Variants in AMMECR1 observed in about 807,000 individuals in gnomAD.
AMMECR1 encodes the protein nuclear protein AMMECR1.
A neutral mutation model predicts 22.5 loss-of-function variants in AMMECR1; 3 were observed. The ratio of observed to expected loss-of-function variants is 0.13; its 90% CI spans 0.06 to 0.35. The LOEUF (loss-of-function observed/expected upper bound fraction) is 0.35. Among genes scored for constraint, AMMECR1 ranks in the 10% least tolerant of loss-of-function variants. The pLI, the probability that AMMECR1 is intolerant of heterozygous loss-of-function variation, is 1.00. For missense variants in AMMECR1, 235 were observed against 278.7 expected (o/e 0.84, Z 1.12); for synonymous variants, 130 against 116.7 (o/e 1.11, Z -0.74).
chrX:110,283,206 C>T (rs1416111516), intron 1 of AMMECR1, among the ~76,000 whole-genome samples: 1 of 112,056 alleles, frequency 8.9e-6, no homozygotes, highest in African/African-American at 3.2e-5. Context: ...AGAGACAGCC[C>T]ATTTAAGCAT....
At chrX:110,410,244 G>C (rs1365359915) in intron 2 of AMMECR1, among the ~76,000 whole-genome samples, 3 of 111,455 alleles carry the variant, frequency 2.7e-5, no homozygotes, top group Non-Finnish European at 1.9e-5. Context: ...TTATTAGTGT[G>C]GGAAGAAGGA....
rs1182370883 is a variant in AMMECR1, at chrX:110,248,381, G to T, written c.584+16108C>A. ...ATCTTGGGTGACAGAGCGAGATCCT[G>T]TCTCAAAAAAAAAGAAAAGAAAAGA... On this transcript the variant is annotated intron_variant, in intron 2 of 5. Coordinates refer to ENST00000262844, the MANE Select transcript of AMMECR1 (RefSeq NM_015365.3). Among the ~76,000 whole-genome samples, 3 of 106,768 alleles carry T rather than the reference G, an allele frequency of 2.8e-5. No individual in the cohort carries two copies. In the East Asian group the frequency reaches 8.5e-4, roughly 30 times the overall value. The allele number at this position is 106,768 out of a possible 115,157, so 92.7% of individuals were successfully genotyped here. A position where few individuals can be genotyped will look rare whatever the true frequency, so the allele number is the denominator to read the frequency against.
At chrX:110,247,637 G>A (rs1384052226) in intron 2 of AMMECR1, among the ~76,000 whole-genome samples, 2 of 109,721 alleles carry the variant, frequency 1.8e-5, no homozygotes, top group Non-Finnish European at 3.8e-5. Flanking sequence ...GTTGCAGTGC[G>A]CCCAGAGGGC....
intron 2 of AMMECR1, among the ~76,000 whole-genome samples, chrX:110,223,444 G>A (rs1329823144): frequency 1.8e-5 from 2 of 111,357 alleles, no homozygotes; most frequent in Admixed American, 9.5e-5. Context: ...CAGTGCTCTC[G>A]AGGCCTTGGC....
At chrX:110,311,280 C>T (rs904835689) in intron 1 of AMMECR1, among the ~76,000 whole-genome samples, 9 of 112,045 alleles carry the variant, frequency 8.0e-5, no homozygotes, top group African/African-American at 2.9e-4. Context: ...TCCCTATAGC[C>T]TTCTCCCTGA....
intron 1 of AMMECR1, among the ~76,000 whole-genome samples, chrX:110,305,724 C>A (rs139084739): frequency 0.024 from 2,700 of 111,383 alleles, 79 homozygotes; most frequent in African/African-American, 0.084. Flanking sequence ...ATAGACTTAA[C>A]GGCCTTACTT....
intron 2 of AMMECR1, among the ~76,000 whole-genome samples, chrX:110,247,521 T>A (rs2067664523): frequency 9.0e-6 from 1 of 111,232 alleles, no homozygotes; most frequent in South Asian, 3.8e-4. Context: ...TGAAACCCCG[T>A]CTCTACAAAA....
At chrX:110,262,178 A>G (rs772991764) in intron 2 of AMMECR1, among the ~76,000 whole-genome samples, 3 of 112,401 alleles carry the variant, frequency 2.7e-5, no homozygotes, top group South Asian at 3.7e-4. Flanking sequence ...AATCCAGGAA[A>G]AAAGATTAAT....
At chrX:110,203,042 G>A (rs780827081) in intron 3 of AMMECR1, among the ~76,000 whole-genome samples, 2 of 111,949 alleles carry the variant, frequency 1.8e-5, no homozygotes, top group Non-Finnish European at 3.8e-5. Flanking sequence ...ACACAGTCAG[G>A]TAAGATTGAA....
chrX:110,429,366 AT>A (rs941440551), intron 1 of AMMECR1, among the ~76,000 whole-genome samples: 1 of 111,254 alleles, frequency 9.0e-6, no homozygotes, highest in African/African-American at 3.3e-5. Context: ...TGCAAACCTG[AT>A]TTAAATCCCT....
At chrX:110,385,800 C>T (rs767760492) in intron 2 of AMMECR1, among the ~76,000 whole-genome samples, 3 of 111,379 alleles carry the variant, frequency 2.7e-5, no homozygotes, top group South Asian at 7.6e-4. Context: ...GGTAGTTTTT[C>T]GGGCCTTGTC....
At chrX:110,283,072 T>A (rs2067861262) in intron 1 of AMMECR1, among the ~76,000 whole-genome samples, 1 of 111,556 alleles carries the variant, frequency 9.0e-6, no homozygotes, top group Admixed American at 9.5e-5. Flanking sequence ...AAAAAAAATG[T>A]TTATCCACTG....
In AMMECR1 at chrX:110,333,025, A is replaced by G. The variant is rs1300322390; in HGVS notation, c.-147-15176T>C. Among the ~76,000 whole-genome samples, 6 of 112,031 alleles carry G rather than the reference A, an allele frequency of 5.4e-5. No homozygotes were observed. The South Asian group carries it at 2.2e-3, about 42-fold the overall frequency. ...CACCCTGCTATCACCACCAATGTGC[A>G]AGAGTGGCACAGAAGCAGCTACCCC... On this transcript the variant is annotated intron_variant, in intron 2 of 7. Transcript: ENST00000372057.
At chrX:110,372,130 G>T (rs1000595426) in intron 2 of AMMECR1, among the ~76,000 whole-genome samples, 5 of 111,686 alleles carry the variant, frequency 4.5e-5, no homozygotes, top group Non-Finnish European at 9.4e-5. Flanking sequence ...GCAACACTCT[G>T]TGTTTAGATC....
At chrX:110,362,814 A>T (rs1281932052) in intron 2 of AMMECR1, among the ~76,000 whole-genome samples, 1 of 112,066 alleles carries the variant, frequency 8.9e-6, no homozygotes, top group Non-Finnish European at 1.9e-5. Context: ...TCTTCCACAC[A>T]TTGCTAACAT....
intron 2 of AMMECR1, among the ~76,000 whole-genome samples, chrX:110,373,382 A>G (rs2068352848): frequency 8.9e-6 from 1 of 111,888 alleles, no homozygotes; most frequent in South Asian, 3.7e-4. Flanking sequence ...CTGGGGTGAG[A>G]ACTTAACATA....
At chrX:110,269,387 C>T (rs1483047292) in intron 1 of AMMECR1, among the ~76,000 whole-genome samples, 1 of 111,550 alleles carries the variant, frequency 9.0e-6, no homozygotes, top group Non-Finnish European at 1.9e-5. Context: ...TAGACTCTGG[C>T]AATTTGCTCT....
chrX:110,389,505 T>A (rs2068480236), intron 2 of AMMECR1, among the ~76,000 whole-genome samples: 2 of 112,533 alleles, frequency 1.8e-5, no homozygotes, highest in Admixed American at 1.9e-4. Context: ...ATCATCCCTT[T>A]GCAAATGGTA....
intron 2 of AMMECR1, among the ~76,000 whole-genome samples, chrX:110,401,770 G>A (rs776242211): frequency 8.9e-6 from 1 of 112,105 alleles, no homozygotes; most frequent in East Asian, 2.8e-4. Flanking sequence ...GTGAGCCTTC[G>A]TTTCCTCCCC....
Sources: gnomAD v4.1 joint callset for allele counts (sites outside exome capture counted in the v4.1 genomes callset) on GRCh38, gnomAD v4.1.1 for gene constraint, MANE v1.5 for transcripts, NCBI Gene and HGNC (gene_info 2026-07-23, HGNC 2026-07-21) for gene names.